The following DPP6 variants were observed in gnomAD, a reference collection of about 807,000 sequenced individuals.
DPP6 encodes the protein dipeptidyl peptidase like 6, also known as A-type potassium channel modulatory protein DPP6.
Under a neutral mutation model 122.6 loss-of-function variants are expected in DPP6, and 69 were observed. The ratio of observed to expected loss-of-function variants is 0.56; its 90% CI spans 0.46 to 0.69. The LOEUF (loss-of-function observed/expected upper bound fraction) is 0.69. Ranked by LOEUF, DPP6 falls within the 30% of genes least tolerant of loss-of-function variation. The pLI is 0.00. For missense variants in DPP6, 928 were observed against 1,116.9 expected (o/e 0.83, Z 2.41); for synonymous variants, 418 against 433.1 (o/e 0.97, Z 0.43).
intron 1 of DPP6, among the ~76,000 whole-genome samples, chr7:154,226,292 G>C (rs10280583): frequency 0.21 from 32,408 of 152,036 alleles, 6,275 homozygotes; most frequent in African/African-American, 0.52. Context: ...CCATTTGATA[G>C]GTTCGATCTG....
chr7:154,821,718 A>C lies in DPP6; in HGVS notation c.1666+14606A>C, dbSNP rs1799799144. Among the ~76,000 whole-genome samples the C allele has an allele frequency of 6.6e-6, 1 of 150,588 alleles. No homozygotes were observed. The highest frequency in any genetic ancestry group is 2.1e-4 in the South Asian group (1 of 4,800). ...TATACACACACACATATATATATAC[A>C]GAAAAAACATGGTGTTTTGTTAGTA... On this transcript the variant is annotated intron_variant, in intron 16 of 25. Transcript: ENST00000377770. This position sits in a 1 kb window ranked among gnomAD's most constrained non-coding sequence, Gnocchi z 4.2.
chr7:153,836,343 G>C, the DPP6 span, among the ~76,000 whole-genome samples: 1 of 152,252 alleles, frequency 6.6e-6, no homozygotes, highest in South Asian at 2.1e-4. Flanking sequence ...ATTTGTACGT[G>C]GGGTGGGGGT....
intron 6 of DPP6, among the ~76,000 whole-genome samples, chr7:154,655,856 G>C (rs904268576): frequency 3.9e-5 from 6 of 152,182 alleles, no homozygotes; most frequent in Non-Finnish European, 8.8e-5. Flanking sequence ...GTCCCTTCAG[G>C]CTTTGACTAA....
At chr7:154,149,776 C>T (rs918515685) in intron 1 of DPP6, among the ~76,000 whole-genome samples, 4 of 152,142 alleles carry the variant, frequency 2.6e-5, no homozygotes, top group Non-Finnish European at 4.4e-5. Flanking sequence ...GCAATGGCTG[C>T]CACTGACTCA....
chr7:154,394,103 C>A (rs1375435841), intron 1 of DPP6, among the ~76,000 whole-genome samples: 2 of 152,238 alleles, frequency 1.3e-5, no homozygotes, highest in African/African-American at 2.4e-5. Flanking sequence ...ATGCTGTATA[C>A]CAGAAGTGGA....
chr7:153,959,660 A>G (rs1334397104), intron 1 of DPP6, among the ~76,000 whole-genome samples: 2 of 152,270 alleles, frequency 1.3e-5, no homozygotes, highest in Non-Finnish European at 2.9e-5. Flanking sequence ...GAAGAGAGGT[A>G]GGGCCTTGCC....
chr7:154,851,999 C>T (rs1802423706), intron 16 of DPP6, among the ~76,000 whole-genome samples: 2 of 152,192 alleles, frequency 1.3e-5, no homozygotes, highest in Admixed American at 1.3e-4. Context: ...CTCAGCTCAT[C>T]TGGACCTGTG....
intron 1 of DPP6, among the ~76,000 whole-genome samples, chr7:153,901,112 C>T (rs1482052277): frequency 6.6e-6 from 1 of 152,056 alleles, no homozygotes; most frequent in Non-Finnish European, 1.5e-5. Flanking sequence ...ACCACAAAGG[C>T]TTTTCTTCTT....
In DPP6 at chr7:154,639,067, T is replaced by A. The variant is rs1312441106; in HGVS notation, c.680+1194T>A. ...GGAGTGGCTAGAAAGCATTTTTCCATAGGTGAGCATTAATCACAGCATGAG... is the reference window on the plus strand; with the variant it reads ...GGAGTGGCTAGAAAGCATTTTTCCAAAGGTGAGCATTAATCACAGCATGAG... On this transcript the variant is annotated intron_variant, in intron 6 of 25. Coordinates refer to ENST00000377770, the MANE Select transcript of DPP6 (RefSeq NM_130797.4). Among the ~76,000 whole-genome samples, 5 of 152,354 alleles carry A rather than the reference T, an allele frequency of 3.3e-5. No individual in the cohort carries two copies. The East Asian group carries it at 9.6e-4, about 29-fold the overall frequency.
chr7:154,113,394 CATAT>C (rs143477890), intron 1 of DPP6, among the ~76,000 whole-genome samples: 67,139 of 139,742 alleles, frequency 0.48, 13,360 homozygotes, highest in East Asian at 0.63. Flanking sequence ...TGTTTTCCTA[CATAT>C]ATATATATAT....
At chr7:153,885,816 C>T (rs1378182140), upstream of DPP6, among the ~76,000 whole-genome samples, 1 of 152,148 alleles carries the variant, frequency 6.6e-6, no homozygotes, top group Non-Finnish European at 1.5e-5. Flanking sequence ...AAGCCCAAAT[C>T]ATTAGTTTAC....
chr7:154,587,559 C>T, intron 5 of DPP6: 1 of 1,411,132 alleles, frequency 7.1e-7, no homozygotes. Context: ...TTTCTCGATC[C>T]CCAACTTCCC....
intron 7 of DPP6, among the ~76,000 whole-genome samples, chr7:154,700,729 TCA>T (rs1227048935): frequency 1.3e-5 from 2 of 151,380 alleles, no homozygotes; most frequent in Non-Finnish European, 2.9e-5. Flanking sequence ...TCGAACCCCA[TCA>T]CACACACAGA....
the DPP6 span, among the ~76,000 whole-genome samples, chr7:153,777,281 T>C: frequency 7.9e-5 from 12 of 152,112 alleles, no homozygotes; most frequent in African/African-American, 2.9e-4. Flanking sequence ...ACTGGATTTC[T>C]TTACTTGTGG....
chr7:154,480,813 G>GA (rs1281744018), intron 3 of DPP6, among the ~76,000 whole-genome samples: 1 of 151,576 alleles, frequency 6.6e-6, no homozygotes, highest in South Asian at 2.1e-4. Flanking sequence ...AAATACAAAA[G>GA]AAAAAAAATC....
At chr7:153,973,509 A>G (rs1216638002) in intron 1 of DPP6, among the ~76,000 whole-genome samples, 5 of 152,182 alleles carry the variant, frequency 3.3e-5, no homozygotes, top group East Asian at 3.9e-4. Context: ...TCTTTTTCCT[A>G]TTATGGTAAG....
chr7:154,452,324 G>A (rs1820454414), intron 2 of DPP6, among the ~76,000 whole-genome samples: 2 of 152,168 alleles, frequency 1.3e-5, no homozygotes, highest in Non-Finnish European at 2.9e-5. Context: ...GTAGATAGTG[G>A]AAATGCTGAC....
chr7:154,035,513 A>T (rs1049927306), intron 1 of DPP6, among the ~76,000 whole-genome samples: 1 of 151,972 alleles, frequency 6.6e-6, no homozygotes, highest in Non-Finnish European at 1.5e-5. Context: ...TCAGAATGCA[A>T]TTTTTTCCTT....
At chr7:154,527,567 A>G (rs968971890) in intron 3 of DPP6, among the ~76,000 whole-genome samples, 9 of 152,236 alleles carry the variant, frequency 5.9e-5, no homozygotes, top group African/African-American at 2.2e-4. Context: ...CACTGTTTCT[A>G]TTGCTAGTTA....
Sources: allele counts gnomAD v4.1 joint callset (sites outside exome capture counted in the v4.1 genomes callset), GRCh38; gene constraint gnomAD v4.1.1; non-coding constraint Gnocchi (gnomAD v3.1); transcripts MANE v1.5; gene names NCBI Gene and HGNC (gene_info 2026-07-23, HGNC 2026-07-21).